ATXN2: variants seen among roughly 807,000 people sequenced by gnomAD.
ATXN2 encodes the protein ataxin 2, also known as ataxin-2.
ATXN2 carries 37 observed loss-of-function variants against 138.6 expected under a neutral mutation model. The observed-to-expected ratio is 0.27, with a 90% CI of 0.21 to 0.35. The LOEUF (loss-of-function observed/expected upper bound fraction) is 0.35, where lower values mean the gene tolerates loss of function less well. Among genes scored for constraint, ATXN2 ranks in the 10% least tolerant of loss-of-function variants. ATXN2 has a pLI of 1.00. For missense variants in ATXN2, 1,216 were observed against 1,480.3 expected (o/e 0.82, Z 2.93); for synonymous variants, 549 against 543.7 (o/e 1.01, Z -0.13).
chr12:111,580,806 A>T (rs1192638371), intron 1 of ATXN2, among the ~76,000 whole-genome samples: 4 of 151,676 alleles, frequency 2.6e-5, no homozygotes, highest in African/African-American at 9.7e-5. Flanking sequence ...GGCAGCGGGG[A>T]GGGGAAAAAA....
At chr12:111,504,753 T>G (rs564381902) in intron 14 of ATXN2, among the ~76,000 whole-genome samples, 1 of 152,214 alleles carries the variant, frequency 6.6e-6, no homozygotes. Context: ...CACCTTATGC[T>G]ATATTAAATA....
chr12:111,513,177 ATAT>A, intron 11 of ATXN2, 177 bp downstream of exon 11: 2 of 641,456 alleles, frequency 3.1e-6, no homozygotes, highest in Non-Finnish European at 5.0e-6. Context: ...ACTTGCTTTA[ATAT>A]ATGATGAATA....
At chr12:111,510,808 C>T (rs1415293187) in intron 11 of ATXN2, 1 of 355,502 alleles carries the variant, frequency 2.8e-6, no homozygotes, top group African/African-American at 2.1e-5. Flanking sequence ...ATGATTTTCT[C>T]TCCTAACTAA....
At chr12:111,457,383 T>C (rs747634376) in intron 21 of ATXN2, 24 bp from the exon 22 acceptor site, 1 of 1,591,486 alleles carries the variant, frequency 6.3e-7, no homozygotes, top group Non-Finnish European at 8.6e-7. Flanking sequence ...AAAAGGAGCA[T>C]GTACACAACC....
chr12:111,480,847 G>A (rs559851019), intron 18 of ATXN2, among the ~76,000 whole-genome samples: 9 of 152,166 alleles, frequency 5.9e-5, no homozygotes, highest in African/African-American at 1.7e-4. Flanking sequence ...AAAATCATAG[G>A]AGTTTTATAG....
intron 8 of ATXN2, among the ~76,000 whole-genome samples, chr12:111,518,785 T>C (rs1157060882): frequency 6.6e-6 from 1 of 152,150 alleles, no homozygotes; most frequent in Non-Finnish European, 1.5e-5. Context: ...CACTGGCTGT[T>C]CTTTGGTTTT....
chr12:111,475,674 C>T (rs529700435), intron 18 of ATXN2, among the ~76,000 whole-genome samples: 1 of 150,506 alleles, frequency 6.6e-6, no homozygotes, highest in African/African-American at 2.4e-5. Context: ...TTTTAAAGAT[C>T]AGTTGGTTTT....
chr12:111,500,361 C>G (rs1399110969), intron 14 of ATXN2, among the ~76,000 whole-genome samples: 1 of 151,994 alleles, frequency 6.6e-6, no homozygotes, highest in Non-Finnish European at 1.5e-5. Flanking sequence ...AAGCCAGGGA[C>G]AGAAAGATAA....
intron 6 of ATXN2, among the ~76,000 whole-genome samples, chr12:111,523,157 G>A (rs561641784): frequency 5.8e-4 from 88 of 151,440 alleles, no homozygotes; most frequent in Middle Eastern, 3.4e-3. Context: ...CAGCTACTCA[G>A]GAGGCTGAGG....
intron 15 of ATXN2, 55 bp downstream of exon 15, chr12:111,488,419 TTA>T: frequency 6.6e-7 from 1 of 1,525,254 alleles, no homozygotes; most frequent in Non-Finnish European, 8.8e-7. Context: ...CTAAATGCCT[TTA>T]AAAAAAAAAA....
In ATXN2 at chr12:111,545,737, C is replaced by T. The variant is rs549785648; in HGVS notation, c.571+6543G>A. Among the ~76,000 whole-genome samples, 3 of 152,030 alleles carry T rather than the reference C, an allele frequency of 2.0e-5. No homozygotes were observed. The South Asian group carries it at 6.2e-4, about 32-fold the overall frequency. On this transcript the variant is annotated intron_variant, in intron 5 of 24. Coordinates refer to ENST00000673436, the MANE Select transcript of ATXN2 (RefSeq NM_001372574.1). The stretch of plus-strand genomic sequence containing the variant: ...ACTTTGGGAGGCCAAGGTGGGAAGA[C>T]TCTTAGGCCCAGCAGTTTGAGACCA...
intron 18 of ATXN2, among the ~76,000 whole-genome samples, chr12:111,476,928 T>C (rs1243831359): frequency 6.6e-6 from 1 of 152,076 alleles, no homozygotes; most frequent in East Asian, 1.9e-4. Context: ...CATATGAACT[T>C]AAAGGTTGGT....
Position 111,516,351 on chromosome 12 carries a change from G to A in ATXN2, c.1178C>T (p.Pro393Leu). The A allele has an allele frequency of 6.3e-7, 1 of 1,580,556 alleles. No homozygotes were observed. The highest frequency in any genetic ancestry group is 1.1e-5 in the South Asian group (1 of 87,344). ...QRVVNGGVPWPSPCPSPSSRP... is the reference protein window; with the variant it reads ...QRVVNGGVPWLSPCPSPSSRP... Reference sequence around the variant, plus strand: ...AGAGGAAGGAGATGGGCAAGGCGATGGCCAGGGAACACCTGACAGAACAAA... The same window carrying A: ...AGAGGAAGGAGATGGGCAAGGCGATAGCCAGGGAACACCTGACAGAACAAA... Residue 393 changes from proline (P) to leucine (L), a missense_variant, in exon 10 of 25, where the codon CCA becomes CTA. Around this residue, in one of 4 missense-constraint regions of ATXN2, gnomAD observed 401 missense variants for 528.1 expected, o/e 0.76. Coordinates refer to ENST00000673436, the MANE Select transcript of ATXN2 (RefSeq NM_001372574.1). The surrounding 1 kb of genome is among the most constrained non-coding windows in gnomAD (Gnocchi z 5.0).
At chr12:111,522,338 C>T (rs188722776) in intron 6 of ATXN2, among the ~76,000 whole-genome samples, 2 of 152,184 alleles carry the variant, frequency 1.3e-5, no homozygotes, top group East Asian at 1.9e-4. Context: ...TGGCCGGGCA[C>T]GGTGGCTCAT....
At chr12:111,464,247 G>GGTGTGTGTGTGTGTGTGTGTGT (rs57717176) in intron 21 of ATXN2, among the ~76,000 whole-genome samples, 4 of 134,714 alleles carry the variant, frequency 3.0e-5, no homozygotes, top group African/African-American at 8.6e-5. Context: ...TGTGGCTTGG[G>GGTGTGTGTGTGTGTGTGTGTGT]GTGTGTGTGT....
chr12:111,497,789 G>A (rs2135713820), intron 14 of ATXN2, among the ~76,000 whole-genome samples: 1 of 152,214 alleles, frequency 6.6e-6, no homozygotes, highest in East Asian at 1.9e-4. Context: ...GGCTGAGACG[G>A]GCAGATCATG....
rs1249404558 is a variant in ATXN2 at position 111,599,213 on chromosome 12, G to A, written c.-179C>T. 1.7e-6 allele frequency: 2 copies of A among 1,202,912 alleles called. No homozygotes were observed. Among genetic ancestry groups the A allele is most frequent in the Non-Finnish European group, 1.0e-6 (1 of 970,362 alleles). 74.5% of individuals were successfully genotyped at this position (1,202,912 alleles called of 1,614,324 possible). Reference sequence around the variant, plus strand: ...GAGAAGGAGGACGACGAAGGGGCGGGGAGGCCCGCCGAGACCAAGGAGCCG... The same window carrying A: ...GAGAAGGAGGACGACGAAGGGGCGGAGAGGCCCGCCGAGACCAAGGAGCCG... On this transcript the variant is annotated 5_prime_UTR_variant, in exon 1 of 25. Coordinates refer to ENST00000673436, the MANE Select transcript of ATXN2 (RefSeq NM_001372574.1).
intron 1 of ATXN2, among the ~76,000 whole-genome samples, chr12:111,589,080 C>T (rs1255378788): frequency 1.4e-5 from 2 of 141,090 alleles, no homozygotes; most frequent in African/African-American, 2.6e-5. Flanking sequence ...TTTGGGAGGA[C>T]GAGGCGGGTG....
chr12:111,589,532 G>A (rs1292405345), intron 1 of ATXN2, among the ~76,000 whole-genome samples: 1 of 151,132 alleles, frequency 6.6e-6, no homozygotes, highest in Non-Finnish European at 1.5e-5. Context: ...AGCACTTCAG[G>A]AGGCCAAGGT....
Sources: gnomAD v4.1 joint callset for allele counts (sites outside exome capture counted in the v4.1 genomes callset) on GRCh38, gnomAD v4.1.1 for gene constraint, gnomAD v4.1.1 regional missense constraint, Gnocchi (gnomAD v3.1) non-coding constraint, MANE v1.5 for transcripts, NCBI Gene and HGNC (gene_info 2026-07-23, HGNC 2026-07-21) for gene names.